The following MTMR8 variants were observed in gnomAD, a reference collection of about 807,000 sequenced individuals.
MTMR8 encodes phosphatidylinositol-3,5-bisphosphate 3-phosphatase MTMR8.
MTMR8 carries 65 observed loss-of-function variants against 39.3 expected under a neutral mutation model. That is an observed-to-expected ratio of 1.65 (90% confidence interval 1.35 to 2.03). The LOEUF (loss-of-function observed/expected upper bound fraction) is 2.03, where lower values mean the gene tolerates loss of function less well. Among genes scored for constraint, MTMR8 ranks in the 30% most tolerant of loss-of-function variants. The probability of loss-of-function intolerance (pLI) is 0.00; values close to 1 mark genes in which losing one functional copy is unlikely to be tolerated. For missense variants in MTMR8, 777 were observed against 538.9 expected, an observed-to-expected ratio of 1.44 and a Z score of -4.37; for synonymous variants, 245 against 185.2, an observed-to-expected ratio of 1.32 and a Z score of -2.62.
At chrX:64,278,823 C>T (rs1350913285) in intron 12 of MTMR8, among the ~76,000 whole-genome samples, 2 of 111,288 alleles carry the variant, frequency 1.8e-5, no homozygotes, top group Non-Finnish European at 3.8e-5. Context: ...AAAAGTCAGG[C>T]CCCTCTGTTG....
At chrX:64,349,031 A>G (rs1923416861) in intron 5 of MTMR8, among the ~76,000 whole-genome samples, 1 of 111,807 alleles carries the variant, frequency 8.9e-6, no homozygotes, top group Admixed American at 9.5e-5. Flanking sequence ...CAGACTACAA[A>G]AAAAATCACA....
chrX:64,268,739 CCAGAGATGCCCATGGCCT>C lies in MTMR8; in HGVS notation c.1895_1912del (p.Glu632_Ser637del). 2 of 1,211,552 alleles carry C rather than the reference CCAGAGATGCCCATGGCCT, an allele frequency of 1.7e-6. No homozygotes were observed. The highest frequency in any genetic ancestry group is 2.2e-6 in the Non-Finnish European group (2 of 895,487). On this transcript the variant is annotated inframe_deletion, in exon 14 of 14. Coordinates refer to ENST00000374852, the MANE Select transcript of MTMR8 (RefSeq NM_017677.4). ...CGTAGCCTCAAAGGTGCACATGTCT[CCAGAGATGCCCATGGCCT>C]CAGAGATGCCCACATCCCCAGAGAT...
intron 12 of MTMR8, among the ~76,000 whole-genome samples, chrX:64,322,676 C>G (rs1181201810): frequency 1.8e-5 from 2 of 112,385 alleles, no homozygotes; most frequent in Non-Finnish European, 3.8e-5. Context: ...GCTCCAAGAG[C>G]CAGCAATAAC....
At chrX:64,298,347 G>A (rs1236047258) in intron 12 of MTMR8, among the ~76,000 whole-genome samples, 1 of 94,354 alleles carries the variant, frequency 1.1e-5, no homozygotes, top group African/African-American at 4.3e-5. Context: ...TGAAGCAATT[G>A]TGAATGGGAG....
intron 12 of MTMR8, among the ~76,000 whole-genome samples, chrX:64,309,241 T>C (rs1162081903): frequency 8.9e-6 from 1 of 112,138 alleles, no homozygotes; most frequent in Non-Finnish European, 1.9e-5. Flanking sequence ...TCCATGAGCA[T>C]AGAATATCTC....
Position 64,343,642 on chromosome X carries a change from G to A in MTMR8, c.944C>T (p.Ala315Val), listed in dbSNP as rs1294785161. The change falls in exon 8 of 14, where the codon GCT becomes GTT. Residue 315 changes from alanine (A) to valine (V), a missense_variant. Ala to Val is a moderately conservative substitution (Grantham distance 64). Transcript: ENST00000374852. ...AATGAAAATTCCAGCATCCATAATA[G>A]CTTTAATGTGTCTTAACCACCCTGA... ...ESSGWLRHIKAIMDAGIFITK... is the reference protein window; with the variant it reads ...ESSGWLRHIKVIMDAGIFITK... 1.7e-6 allele frequency: 2 copies of A among 1,203,607 alleles called. No individual in the cohort carries two copies. The highest frequency in any genetic ancestry group is 3.5e-5 in the African/African-American group (2 of 57,169).
chrX:64,310,639 A>G (rs960504574), intron 12 of MTMR8, among the ~76,000 whole-genome samples: 8 of 110,831 alleles, frequency 7.2e-5, no homozygotes, highest in African/African-American at 2.6e-4. Flanking sequence ...TCCTAATGCT[A>G]TCCGTCCCCT....
In MTMR8 at chrX:64,268,276, C is replaced by T. The variant is rs969832262; in HGVS notation, c.*261G>A. On this transcript the variant is annotated 3_prime_UTR_variant, in exon 14 of 14. Transcript: ENST00000374852. Reference sequence around the variant, plus strand: ...AGTAGAACCAGCTTAATATGTGTCTCAGCTGAGAGGCAACATTTCTATAGT... The same window carrying T: ...AGTAGAACCAGCTTAATATGTGTCTTAGCTGAGAGGCAACATTTCTATAGT... The T allele has an allele frequency of 8.1e-5, 28 of 347,391 alleles. No homozygotes were observed. The highest frequency in any genetic ancestry group is 1.4e-4 in the Non-Finnish European group (28 of 203,010). The allele number at this position is 347,391 out of a possible 1,213,427, so 28.6% of individuals were successfully genotyped here.
chrX:64,383,958 G>A (rs908905476), intron 1 of MTMR8, among the ~76,000 whole-genome samples: 6 of 111,522 alleles, frequency 5.4e-5, no homozygotes, highest in Non-Finnish European at 1.1e-4. Context: ...AGTCTCATCT[G>A]AAACAAGGTA....
At chrX:64,385,086 C>T (rs1460804781) in intron 1 of MTMR8, among the ~76,000 whole-genome samples, 1 of 112,146 alleles carries the variant, frequency 8.9e-6, no homozygotes, top group Non-Finnish European at 1.9e-5. Flanking sequence ...GAACACTTTG[C>T]TGATTAGAAT....
At chrX:64,359,228 T>C (rs1250806421) in intron 2 of MTMR8, among the ~76,000 whole-genome samples, 177 bp downstream of exon 2, 1 of 110,760 alleles carries the variant, frequency 9.0e-6, no homozygotes, top group Non-Finnish European at 1.9e-5. Flanking sequence ...AGCCAATAAC[T>C]TGAAAAAAGA....
Position 64,268,964 on chromosome X carries a change from C to T in MTMR8, c.1688G>A (p.Gly563Glu). Residue 563 changes from glycine (G) to glutamate (E), a missense_variant, in exon 14 of 14, where the codon GGA becomes GAA. Transcript: ENST00000374852. Reference sequence around the variant, plus strand: ...GCCAAGAGGATTGGTCAAAGGACTTCCCAGATGCTGGGATAATATGTTTCC... The same window carrying T: ...GCCAAGAGGATTGGTCAAAGGACTTTCCAGATGCTGGGATAATATGTTTCC... ...QLGNILSQHL[G>E]SPLTNPLGFM... 1 of 1,211,480 alleles carries T rather than the reference C, an allele frequency of 8.3e-7. No homozygotes were observed. The highest frequency in any genetic ancestry group is 1.1e-6 in the Non-Finnish European group (1 of 895,253).
chrX:64,286,348 A>C (rs1264112098), intron 12 of MTMR8, among the ~76,000 whole-genome samples: 2 of 112,051 alleles, frequency 1.8e-5, no homozygotes, highest in African/African-American at 6.5e-5. Flanking sequence ...AAAGTCCATG[A>C]CCAGAAGGAT....
chrX:64,299,497 T>C (rs1472735212), intron 12 of MTMR8, among the ~76,000 whole-genome samples: 3 of 101,785 alleles, frequency 2.9e-5, no homozygotes, highest in African/African-American at 1.1e-4. Flanking sequence ...TTGCTAGCAG[T>C]CTATCAATTT....
At chrX:64,371,780 A>G (rs963724305) in intron 1 of MTMR8, among the ~76,000 whole-genome samples, 4 of 110,793 alleles carry the variant, frequency 3.6e-5, no homozygotes, top group Non-Finnish European at 7.6e-5. Context: ...ATGTCCAATA[A>G]TAGGGGAAAG....
chrX:64,365,736 A>G (rs749141983), intron 1 of MTMR8, among the ~76,000 whole-genome samples: 2 of 111,878 alleles, frequency 1.8e-5, no homozygotes, highest in East Asian at 2.8e-4. Flanking sequence ...CATCATAATG[A>G]CAGGATCAAA....
chrX:64,377,449 C>T (rs936482877), intron 1 of MTMR8, among the ~76,000 whole-genome samples: 2 of 112,577 alleles, frequency 1.8e-5, no homozygotes, highest in Non-Finnish European at 3.8e-5. Context: ...ATCACTGTGG[C>T]CTGGATGTGA....
Position 64,389,365 on chromosome X carries a change from C to T in MTMR8, c.24+5975G>A, listed in dbSNP as rs186508978. On this transcript the variant is annotated intron_variant, in intron 1 of 13. Coordinates refer to ENST00000374852, the MANE Select transcript of MTMR8 (RefSeq NM_017677.4). Reference sequence around the variant, plus strand: ...AAAATGTCTTTAGTACTTAGCAAAACGTCTCTCTAAAGCACTTAAGTATTT... The same window carrying T: ...AAAATGTCTTTAGTACTTAGCAAAATGTCTCTCTAAAGCACTTAAGTATTT... 2.2e-3 allele frequency among the ~76,000 whole-genome samples: 243 copies of T among 111,206 alleles called. 1 individual carries two copies. The highest frequency in any genetic ancestry group is 8.3e-3 in the South Asian group (22 of 2,637).
At chrX:64,376,481 C>T (rs1488715201) in intron 1 of MTMR8, among the ~76,000 whole-genome samples, 3 of 111,940 alleles carry the variant, frequency 2.7e-5, no homozygotes, top group Non-Finnish European at 5.6e-5. Context: ...TGGCATTGTG[C>T]CCCTGCTCTA....
Sources: allele counts gnomAD v4.1 joint callset (sites outside exome capture counted in the v4.1 genomes callset), GRCh38; gene constraint gnomAD v4.1.1; transcripts MANE v1.5; gene names NCBI Gene and HGNC (gene_info 2026-07-23, HGNC 2026-07-21).